The following VWCE variants were observed in gnomAD, a reference collection of about 807,000 sequenced individuals.
VWCE encodes the protein von Willebrand factor C and EGF domains.
Under a neutral mutation model 102.9 loss-of-function variants are expected in VWCE, and 68 were observed. That is an observed-to-expected ratio of 0.66 (90% confidence interval 0.54 to 0.81). The LOEUF is 0.81. VWCE is among the 30% of genes least tolerant of loss of function. VWCE has a pLI of 0.00. For missense variants in VWCE, 1,137 were observed against 1,263.6 expected (o/e 0.90, Z 1.52); for synonymous variants, 497 against 515.4 (o/e 0.96, Z 0.48).
intron 19 of VWCE, 44 bp downstream of exon 19, chr11:61,264,443 G>C: frequency 1.3e-6 from 2 of 1,573,442 alleles, no homozygotes; most frequent in South Asian, 2.3e-5. Flanking sequence ...AAGTAAAATG[G>C]AAGAAGATGG....
intron 14 of VWCE, among the ~76,000 whole-genome samples, chr11:61,270,813 G>C (rs1471022117): frequency 6.7e-6 from 1 of 149,092 alleles, no homozygotes; most frequent in African/African-American, 2.5e-5. Flanking sequence ...CATGCACACT[G>C]TGTTACACAC....
At chr11:61,281,715 G>T in intron 7 of VWCE, 71 bp downstream of exon 7, 1 of 1,525,920 alleles carries the variant, frequency 6.6e-7, no homozygotes, top group Non-Finnish European at 8.8e-7. Context: ...GCCAGGCTAT[G>T]GGGGGGCGTA....
At chr11:61,271,411 C>T (rs1334488249) in intron 14 of VWCE, 13 of 348,856 alleles carry the variant, frequency 3.7e-5, no homozygotes, top group Non-Finnish European at 7.3e-5. Context: ...TCCCAAAGTG[C>T]TGGGATTACA....
intron 14 of VWCE, among the ~76,000 whole-genome samples, chr11:61,269,580 G>T (rs1854613426): frequency 6.6e-6 from 1 of 151,694 alleles, no homozygotes; most frequent in Non-Finnish European, 1.5e-5. Flanking sequence ...CGAGTAGCTG[G>T]GATTACAAGC....
rs755169409 is a variant in VWCE at position 61,274,591 on chromosome 11, A to G, written c.1496-7T>C. 1 of 1,613,524 alleles carries G rather than the reference A, an allele frequency of 6.2e-7. No homozygotes were observed. Among genetic ancestry groups the G allele is most frequent in the Non-Finnish European group, 8.5e-7 (1 of 1,179,706 alleles). ...CCGTGGAAATAGCATCTCACTGCAG[A>G]GGAGAAAGGGAGAAGCAACTCAAGG... On this transcript the variant is annotated splice_region_variant and splice_polypyrimidine_tract_variant and intron_variant, in intron 11 of 19. Transcript: ENST00000335613.
At chr11:61,275,575 C>T (rs747343083) in intron 11 of VWCE, among the ~76,000 whole-genome samples, 8 of 152,296 alleles carry the variant, frequency 5.3e-5, no homozygotes, top group Non-Finnish European at 7.4e-5. Context: ...AATTCAAGTT[C>T]GGCTCCATTA....
At chr11:61,269,591 A>G (rs1231637246) in intron 14 of VWCE, among the ~76,000 whole-genome samples, 1 of 150,208 alleles carries the variant, frequency 6.7e-6, no homozygotes, top group Non-Finnish European at 1.5e-5. Context: ...GATTACAAGC[A>G]TGCGCCACCA....
At chr11:61,286,202 G>A in intron 5 of VWCE, 112 bp downstream of exon 5, 1 of 1,046,536 alleles carries the variant, frequency 9.6e-7, no homozygotes, top group Non-Finnish European at 1.5e-6. Flanking sequence ...GGTGGTGAAG[G>A]TTCAATGCAG....
Position 61,258,787 on chromosome 11 carries a change from C to T in VWCE, c.2756G>A (p.Arg919His), listed in dbSNP as rs61736713. 3,743 of 1,494,948 alleles carry T rather than the reference C, an allele frequency of 2.5e-3. 80 individuals are homozygous for T. In the African/African-American group the frequency reaches 0.045, roughly 18 times the overall value. The allele number at this position is 1,494,948 out of a possible 1,614,324, so 92.6% of individuals were successfully genotyped here. Reference sequence around the variant, plus strand: ...TCTAGAGGTGGTGGGAGAAAGCACGCGAGGCCCGAGGAGGGTGATGGGGGT... The same window carrying T: ...TCTAGAGGTGGTGGGAGAAAGCACGTGAGGCCCGAGGAGGGTGATGGGGGT... Reference protein sequence around the residue: ...SKTPITLLGPRVLSPTTSRLS... With the variant: ...SKTPITLLGPHVLSPTTSRLS... Residue 919 changes from arginine to histidine, a missense_variant, in exon 20 of 20, where the codon CGC becomes CAC. Transcript: ENST00000335613.
chr11:61,276,550 A>T lies in VWCE; in HGVS notation c.1495+43T>A. 4 of 171,676 alleles carry T rather than the reference A, an allele frequency of 2.3e-5. No individual in the cohort carries two copies. In the South Asian group the frequency reaches 7.0e-4, roughly 30 times the overall value. The allele number at this position is 171,676 out of a possible 1,614,324, so 10.6% of individuals were successfully genotyped here. A position where few individuals can be genotyped will look rare whatever the true frequency, so the allele number is the denominator to read the frequency against. On this transcript the variant is annotated intron_variant, in intron 11 of 19. Coordinates refer to ENST00000335613, the MANE Select transcript of VWCE (RefSeq NM_152718.2). ...ACATAGTGAGGTCTACAAAAAATCT[A>T]AAAAAAAAAAAAAAAGCAAAATGCT...
intron 12 of VWCE, among the ~76,000 whole-genome samples, chr11:61,274,043 C>T (rs1854825484): frequency 6.6e-6 from 1 of 152,162 alleles, no homozygotes. Context: ...GCCTTGCCGC[C>T]TGCCTGACTC....
chr11:61,265,319 A>C, intron 16 of VWCE, 107 bp from the exon 17 acceptor site: 15 of 1,017,672 alleles, frequency 1.5e-5, no homozygotes, highest in Non-Finnish European at 2.1e-5. Flanking sequence ...AACAATCAAC[A>C]TTGTGGGAGG....
At chr11:61,293,109 C>T (rs1281741192) in intron 1 of VWCE, among the ~76,000 whole-genome samples, 2 of 151,818 alleles carry the variant, frequency 1.3e-5, no homozygotes, top group African/African-American at 2.4e-5. Context: ...GGCATGGTGG[C>T]GCATGCCTGT....
At chr11:61,282,702 G>T in intron 6 of VWCE, 87 bp downstream of exon 6, 1 of 1,100,146 alleles carries the variant, frequency 9.1e-7, no homozygotes, top group Non-Finnish European at 1.4e-6. Flanking sequence ...AAGTCTAATT[G>T]TTAACCTTCC....
intron 9 of VWCE, among the ~76,000 whole-genome samples, chr11:61,279,133 C>T (rs576961840): frequency 1.3e-5 from 2 of 152,076 alleles, no homozygotes; most frequent in African/African-American, 2.4e-5. Context: ...CTCTCTAGTA[C>T]CCAGATTGTC....
intron 11 of VWCE, among the ~76,000 whole-genome samples, chr11:61,275,955 T>C (rs936251439): frequency 6.6e-6 from 1 of 152,230 alleles, no homozygotes; most frequent in Non-Finnish European, 1.5e-5. Flanking sequence ...CAGTCTAGCC[T>C]CAAACTGCTG....
chr11:61,293,457 G>A (rs60813883), intron 1 of VWCE, among the ~76,000 whole-genome samples: 1 of 150,476 alleles, frequency 6.6e-6, no homozygotes, highest in Non-Finnish European at 1.5e-5. Context: ...AGCAAAAGAA[G>A]AGGAAGGGAG....
At chr11:61,264,344 G>T in intron 19 of VWCE, 143 bp downstream of exon 19, 1 of 737,246 alleles carries the variant, frequency 1.4e-6, no homozygotes, top group Non-Finnish European at 2.2e-6. Flanking sequence ...CCACAGCACA[G>T]CTGTACAACC....
chr11:61,283,948 T>C (rs569940679), intron 5 of VWCE, among the ~76,000 whole-genome samples: 1 of 152,322 alleles, frequency 6.6e-6, no homozygotes, highest in African/African-American at 2.4e-5. Context: ...TATGAAATAT[T>C]TGCACTGCAG....
Sources: gnomAD v4.1 joint callset for allele counts (sites outside exome capture counted in the v4.1 genomes callset) on GRCh38, gnomAD v4.1.1 for gene constraint, MANE v1.5 for transcripts, NCBI Gene and HGNC (gene_info 2026-07-23, HGNC 2026-07-21) for gene names.